The following SNTG1 variants were observed in gnomAD, a reference collection of about 807,000 sequenced individuals.
The protein encoded by SNTG1 is gamma-1-syntrophin.
SNTG1 carries 39 observed loss-of-function variants against 74.7 expected under a neutral mutation model. That is an observed-to-expected ratio of 0.52 (90% CI 0.40 to 0.68). The LOEUF (loss-of-function observed/expected upper bound fraction) is 0.68. SNTG1 is among the 30% of genes least tolerant of loss of function. The probability of loss-of-function intolerance (pLI) is 0.00; values close to 1 mark genes in which losing one functional copy is unlikely to be tolerated. For synonymous variants in SNTG1, 254 were observed against 217.1 expected (o/e 1.17, Z -1.49); for missense variants, 685 against 609.5 (o/e 1.12, Z -1.30).
intron 2 of SNTG1, among the ~76,000 whole-genome samples, chr8:50,278,177 G>T (rs1192584218): frequency 6.7e-6 from 1 of 149,470 alleles, no homozygotes; most frequent in African/African-American, 2.5e-5. Flanking sequence ...ATCTCAAAAA[G>T]AAAAAGAAAA....
At chr8:50,735,879 G>A (rs1047703929) in intron 17 of SNTG1, among the ~76,000 whole-genome samples, 4 of 151,864 alleles carry the variant, frequency 2.6e-5, no homozygotes, top group Non-Finnish European at 2.9e-5. Flanking sequence ...GAGAAAGGTC[G>A]GGTTACCCAC....
intron 1 of SNTG1, among the ~76,000 whole-genome samples, chr8:50,154,416 C>T (rs753889091): frequency 2.6e-5 from 4 of 152,096 alleles, no homozygotes; most frequent in Non-Finnish European, 5.9e-5. Flanking sequence ...GGCTCACACT[C>T]GGTGGGCTAC....
At position 50,618,907 on chromosome 8, in the gene SNTG1, GTGTA is replaced by G. The variant is rs752677241; in HGVS notation, c.849+27992_849+27995del. On this transcript the variant is annotated intron_variant, in intron 13 of 18. Transcript: ENST00000642720. ...TATGTGTATATGTGTGTGTGTGTGT[GTGTA>G]TATATATATATGTCTATGTGTGTGT... Among the ~76,000 whole-genome samples, 54 of 151,690 alleles carry G rather than the reference GTGTA, an allele frequency of 3.6e-4. 3 individuals carry two copies. In the South Asian group the frequency reaches 6.3e-3, roughly 18 times the overall value.
At chr8:50,211,469 A>C (rs905315429) in intron 2 of SNTG1, among the ~76,000 whole-genome samples, 1 of 152,096 alleles carries the variant, frequency 6.6e-6, no homozygotes, top group African/African-American at 2.4e-5. Context: ...TCTTTAATGC[A>C]TTATCTTTCT....
chr8:50,423,805 A>T (rs1189091987), intron 4 of SNTG1, among the ~76,000 whole-genome samples: 2 of 152,126 alleles, frequency 1.3e-5, no homozygotes, highest in African/African-American at 4.8e-5. Flanking sequence ...TGGCCAAAAA[A>T]TGTGATGAGA....
At chr8:50,052,689 C>T (rs963060974) in intron 1 of SNTG1, among the ~76,000 whole-genome samples, 1 of 151,846 alleles carries the variant, frequency 6.6e-6, no homozygotes, top group African/African-American at 2.4e-5. Flanking sequence ...GCCTAGTATC[C>T]GGAAAACATA....
intron 17 of SNTG1, among the ~76,000 whole-genome samples, chr8:50,721,493 T>A (rs757994360): frequency 6.6e-6 from 1 of 152,200 alleles, no homozygotes; most frequent in African/African-American, 2.4e-5. Context: ...CAGAGCATGC[T>A]ATGAATAAAT....
chr8:49,926,911 C>A (rs1431746249), intron 1 of SNTG1, among the ~76,000 whole-genome samples: 1 of 151,996 alleles, frequency 6.6e-6, no homozygotes, highest in African/African-American at 2.4e-5. Context: ...ATAAACCAAC[C>A]AATTAAAAAA....
chr8:50,697,437 G>T lies in SNTG1; in HGVS notation c.1039-7163G>T, dbSNP rs148659280. ...TTTGGTTTATTTCTCTTGCCTAATT[G>T]TTCTGGCTAGTACTTTATTACTATG... On this transcript the variant is annotated intron_variant, in intron 15 of 18. Coordinates refer to ENST00000642720, the MANE Select transcript of SNTG1 (RefSeq NM_018967.5). Among the ~76,000 whole-genome samples, 1,113 of 152,202 alleles carry T rather than the reference G, an allele frequency of 7.3e-3. 8 individuals are homozygous for T. Among genetic ancestry groups the T allele is most frequent in the Middle Eastern group, 0.034 (10 of 294 alleles).
In SNTG1 at chr8:50,084,188, G is replaced by A. The variant is rs79925544; in HGVS notation, c.-102-88373G>A. On this transcript the variant is annotated intron_variant, in intron 1 of 18. Coordinates refer to ENST00000642720, the MANE Select transcript of SNTG1 (RefSeq NM_018967.5). The stretch of plus-strand genomic sequence containing the variant: ...AAGTAAACTGTAAAACTGGCCAGGC[G>A]CAGTGGCTCACGCCTGTAATCCCAG... Among the ~76,000 whole-genome samples the A allele has an allele frequency of 4.1e-3, 620 of 152,268 alleles. 21 individuals are homozygous for A. The East Asian group carries it at 0.07, about 17-fold the overall frequency.
chr8:50,677,665 AT>A (rs916706624), intron 15 of SNTG1, among the ~76,000 whole-genome samples: 3 of 152,032 alleles, frequency 2.0e-5, no homozygotes, highest in African/African-American at 7.2e-5. Context: ...AAAACCTTAT[AT>A]TACTGTTTTA....
intron 2 of SNTG1, among the ~76,000 whole-genome samples, chr8:50,248,711 A>G (rs1349772167): frequency 2.0e-5 from 3 of 152,202 alleles, no homozygotes; most frequent in Admixed American, 2.0e-4. Flanking sequence ...CACTAAATAT[A>G]TGTTAAAAGA....
At chr8:50,489,274 C>T (rs537383817) in intron 8 of SNTG1, among the ~76,000 whole-genome samples, 1 of 152,212 alleles carries the variant, frequency 6.6e-6, no homozygotes, top group South Asian at 2.1e-4. Flanking sequence ...GATTTCTAAT[C>T]CTTTGGTTAT....
In SNTG1 at chr8:50,655,354, T is replaced by C. The variant is rs7005027; in HGVS notation, c.850-1555T>C. 3.0e-3 allele frequency among the ~76,000 whole-genome samples: 464 copies of C among 152,324 alleles called. 3 individuals are homozygous for C. Among genetic ancestry groups the C allele is most frequent in the African/African-American group, 0.011 (447 of 41,578 alleles). ...AAAACTGTGTTGTTATCTGATCAACTATACCTGGCCATATAAGCAATACAA... is the reference window on the plus strand; with the variant it reads ...AAAACTGTGTTGTTATCTGATCAACCATACCTGGCCATATAAGCAATACAA... On this transcript the variant is annotated intron_variant, in intron 13 of 18. Coordinates refer to ENST00000642720, the MANE Select transcript of SNTG1 (RefSeq NM_018967.5).
chr8:50,107,490 T>C (rs1185742676), intron 1 of SNTG1, among the ~76,000 whole-genome samples: 1 of 152,134 alleles, frequency 6.6e-6, no homozygotes, highest in Non-Finnish European at 1.5e-5. Context: ...TTTTTAAAAG[T>C]TTAGGAGTAA....
At chr8:50,331,198 CAGGT>C (rs2090952807) in intron 2 of SNTG1, among the ~76,000 whole-genome samples, 1 of 152,092 alleles carries the variant, frequency 6.6e-6, no homozygotes, top group South Asian at 2.1e-4. Flanking sequence ...AGCACACAGA[CAGGT>C]GGGCAGACAC....
intron 13 of SNTG1, among the ~76,000 whole-genome samples, chr8:50,623,177 A>G (rs1426391371): frequency 6.6e-6 from 1 of 152,068 alleles, no homozygotes; most frequent in East Asian, 1.9e-4. Flanking sequence ...TTTGTGATCA[A>G]TTGTTCTGAC....
intron 2 of SNTG1, among the ~76,000 whole-genome samples, chr8:50,243,231 A>C (rs1236540464): frequency 6.6e-6 from 1 of 152,216 alleles, no homozygotes; most frequent in Non-Finnish European, 1.5e-5. Flanking sequence ...ACATTTTAAC[A>C]GTCTGACCCA....
intron 1 of SNTG1, among the ~76,000 whole-genome samples, chr8:50,060,083 G>T (rs1158058092): frequency 6.6e-6 from 1 of 152,040 alleles, no homozygotes; most frequent in Non-Finnish European, 1.5e-5. Context: ...GTTTTGATTG[G>T]CATTTTCCTG....
Sources: gnomAD v4.1 joint callset for allele counts (sites outside exome capture counted in the v4.1 genomes callset) on GRCh38, gnomAD v4.1.1 for gene constraint, MANE v1.5 for transcripts, NCBI Gene and HGNC (gene_info 2026-07-23, HGNC 2026-07-21) for gene names.